Variants in SPAST observed in about 807,000 individuals in gnomAD.
SPAST encodes the protein spastin.
A neutral mutation model predicts 76.6 loss-of-function variants in SPAST; 30 were observed. The ratio of observed to expected loss-of-function variants is 0.39; its 90% CI spans 0.29 to 0.53. The LOEUF is 0.53. SPAST is among the 20% of genes least tolerant of loss of function. The pLI, the probability that SPAST is intolerant of heterozygous loss-of-function variation, is 0.68. For synonymous variants in SPAST, 305 were observed against 281.0 expected (o/e 1.09, Z -0.86); for missense variants, 717 against 770.5 (o/e 0.93, Z 0.82).
At position 32,115,736 on chromosome 2, in the gene SPAST, C is replaced by T. The variant is rs766265685; in HGVS notation, c.905C>T (p.Ser302Phe). 1 of 1,611,154 alleles carries T rather than the reference C, an allele frequency of 6.2e-7. No individual in the cohort carries two copies. The highest frequency in any genetic ancestry group is 8.5e-7 in the Non-Finnish European group (1 of 1,177,700). The change falls in exon 6 of 17, where the codon TCT becomes TTT. Residue 302 changes from serine to phenylalanine, a missense_variant. Around this residue, in one of 3 missense-constraint regions of SPAST, gnomAD observed 543 missense variants for 445.2 expected, o/e 1.22. Transcript: ENST00000315285. ...TPKTNRTNKPSTPTTATRKKK... is the reference protein window; with the variant it reads ...TPKTNRTNKPFTPTTATRKKK... ...AAAACAAATAGGACAAATAAACCTT[C>T]TACCCCTACAACTGCTACTCGTAAG...
At chr2:32,122,789 A>G (rs1679062538) in intron 7 of SPAST, among the ~76,000 whole-genome samples, 1 of 152,152 alleles carries the variant, frequency 6.6e-6, no homozygotes, top group Non-Finnish European at 1.5e-5. Context: ...AAAAAAAAAA[A>G]ATAGATGAAT....
At chr2:32,110,418 C>T (rs1573107958) in intron 4 of SPAST, among the ~76,000 whole-genome samples, 1 of 145,780 alleles carries the variant, frequency 6.9e-6, no homozygotes. Flanking sequence ...GCGCCTGGTC[C>T]CTATACATAT....
intron 16 of SPAST, among the ~76,000 whole-genome samples, chr2:32,153,131 T>C (rs1217803219): frequency 1.3e-5 from 2 of 152,136 alleles, no homozygotes; most frequent in African/African-American, 2.4e-5. Context: ...TGATATCTCA[T>C]GGAGATATCA....
chr2:32,072,209 T>C (rs949762262), intron 1 of SPAST, among the ~76,000 whole-genome samples: 10 of 52,556 alleles, frequency 1.9e-4, no homozygotes, highest in Non-Finnish European at 3.3e-4. Context: ...TGCCCAGCTA[T>C]TTTTTTTGTA....
intron 1 of SPAST, among the ~76,000 whole-genome samples, chr2:32,073,495 A>G (rs1289619204): frequency 5.3e-5 from 8 of 152,090 alleles, no homozygotes; most frequent in Non-Finnish European, 1.0e-4. Flanking sequence ...TTTTTTAAAA[A>G]TGTTTTTAAA....
At chr2:32,069,121 G>A (rs1271749956) in intron 1 of SPAST, among the ~76,000 whole-genome samples, 1 of 151,418 alleles carries the variant, frequency 6.6e-6, no homozygotes, top group Non-Finnish European at 1.5e-5. Flanking sequence ...GCTGACGCAG[G>A]ACAATTGCTT....
chr2:32,072,167 T>C (rs216539), intron 1 of SPAST, among the ~76,000 whole-genome samples: 146,722 of 152,196 alleles, frequency 0.96, 70,777 homozygotes, highest in East Asian at 1. Flanking sequence ...CTCAGCCTCC[T>C]GAGTAGCTGG....
chr2:32,120,309 T>C (rs575201167), intron 7 of SPAST, among the ~76,000 whole-genome samples: 9 of 152,284 alleles, frequency 5.9e-5, no homozygotes, highest in Admixed American at 5.2e-4. Flanking sequence ...CTTAGCTCCA[T>C]CATACCACAC....
chr2:32,066,336 G>A (rs909318802), intron 1 of SPAST, among the ~76,000 whole-genome samples: 2 of 152,086 alleles, frequency 1.3e-5, no homozygotes, highest in African/African-American at 2.4e-5. Flanking sequence ...GAATTAAAAC[G>A]GTTGCAAAGT....
rs779449573 is a variant in SPAST at position 32,063,850 on chromosome 2, C to A, written c.19C>A (p.Arg7=). The change falls in exon 1 of 17, where the codon CGA becomes AGA. Residue 7 remains arginine (R), a synonymous_variant. Coordinates refer to ENST00000315285, the MANE Select transcript of SPAST (RefSeq NM_014946.4). The part of the protein sequence containing the change: MNSPGG[R]GKKKGSGGAS... The stretch of plus-strand genomic sequence containing the variant: ...GCTGTGAATGAATTCTCCGGGTGGA[C>A]GAGGGAAGAAGAAAGGCTCCGGCGG... The A allele has an allele frequency of 2.5e-6, 4 of 1,581,046 alleles. No homozygotes were observed. Among genetic ancestry groups the A allele is most frequent in the Non-Finnish European group, 3.4e-6 (4 of 1,170,344 alleles).
intron 1 of SPAST, among the ~76,000 whole-genome samples, chr2:32,076,524 T>G (rs1225073702): frequency 2.0e-5 from 3 of 152,054 alleles, no homozygotes; most frequent in Non-Finnish European, 4.4e-5. Flanking sequence ...ACTGGGTCTT[T>G]TTTACCAAAT....
At chr2:32,081,336 C>T (rs1454120987) in intron 1 of SPAST, among the ~76,000 whole-genome samples, 1 of 152,020 alleles carries the variant, frequency 6.6e-6, no homozygotes, top group Non-Finnish European at 1.5e-5. Flanking sequence ...CCTCGTGATT[C>T]ACCTGCCTCA....
chr2:32,115,916 GATA>G (rs1678816155), intron 6 of SPAST, 81 bp downstream of exon 6: 1 of 1,146,092 alleles, frequency 8.7e-7, no homozygotes, highest in Non-Finnish European at 1.3e-6. Flanking sequence ...GAGTGAAATA[GATA>G]ATAAATACCT....
intron 15 of SPAST, among the ~76,000 whole-genome samples, chr2:32,146,399 A>T (rs1309352317): frequency 6.6e-6 from 1 of 152,010 alleles, no homozygotes; most frequent in African/African-American, 2.4e-5. Context: ...TCTCTACAAA[A>T]AAATATAATA....
intron 15 of SPAST, among the ~76,000 whole-genome samples, chr2:32,146,592 C>G (rs1183325183): frequency 2.7e-5 from 4 of 145,926 alleles, no homozygotes; most frequent in African/African-American, 1.0e-4. Flanking sequence ...ATAGGCCAGG[C>G]ACGGTGGCTC....
chr2:32,065,748 C>A (rs562020421), intron 1 of SPAST, among the ~76,000 whole-genome samples: 2 of 152,182 alleles, frequency 1.3e-5, no homozygotes, highest in Non-Finnish European at 2.9e-5. Context: ...TTCATAGTGT[C>A]TGTCTCTACT....
At chr2:32,123,943 A>T (rs1049283466) in intron 7 of SPAST, among the ~76,000 whole-genome samples, 1 of 152,178 alleles carries the variant, frequency 6.6e-6, no homozygotes, top group Admixed American at 6.5e-5. Context: ...CTAGGATAAC[A>T]TGAGAAAAAT....
intron 4 of SPAST, among the ~76,000 whole-genome samples, chr2:32,102,339 T>C (rs1678157121): frequency 6.6e-6 from 1 of 152,260 alleles, no homozygotes; most frequent in South Asian, 2.1e-4. Flanking sequence ...GAGACTTTGC[T>C]GAAGTTGCTT....
At chr2:32,082,686 A>C (rs1407460522) in intron 1 of SPAST, among the ~76,000 whole-genome samples, 2 of 151,934 alleles carry the variant, frequency 1.3e-5, no homozygotes, top group Non-Finnish European at 2.9e-5. Context: ...ACAAGAGCGA[A>C]ATTCCATCTC....
Sources: allele counts gnomAD v4.1 joint callset (sites outside exome capture counted in the v4.1 genomes callset), GRCh38; gene constraint gnomAD v4.1.1; regional missense constraint gnomAD v4.1.1; transcripts MANE v1.5; gene names NCBI Gene and HGNC (gene_info 2026-07-23, HGNC 2026-07-21).